The following UBE2L3 variants were observed in gnomAD, a reference collection of about 807,000 sequenced individuals.
UBE2L3 encodes ubiquitin conjugating enzyme E2 L3, also known as ubiquitin-conjugating enzyme E2 L3.
Under a neutral mutation model 17.8 loss-of-function variants are expected in UBE2L3, and 1 was observed. That is an observed-to-expected ratio of 0.06 (90% CI 0.02 to 0.27). The LOEUF (loss-of-function observed/expected upper bound fraction) is 0.27. UBE2L3 is among the 10% of genes least tolerant of loss of function. The pLI is 1.00. For synonymous variants in UBE2L3, 44 were observed against 68.5 expected, an observed-to-expected ratio of 0.64 and a Z score of 1.76; for missense variants, 40 against 192.6, an observed-to-expected ratio of 0.21 and a Z score of 4.69.
At chr22:21,604,371 C>T (rs553260229) in intron 2 of UBE2L3, among the ~76,000 whole-genome samples, 3 of 152,152 alleles carry the variant, frequency 2.0e-5, no homozygotes, top group East Asian at 1.9e-4. Context: ...TGGCAGCCTG[C>T]GCCTGTAATC....
In UBE2L3 at chr22:21,604,354, C is replaced by T. The variant is rs535446094; in HGVS notation, c.124-6503C>T. 1.9e-4 allele frequency among the ~76,000 whole-genome samples: 29 copies of T among 152,170 alleles called. No homozygotes were observed. The South Asian group carries it at 6.0e-3, about 32-fold the overall frequency. The stretch of plus-strand genomic sequence containing the variant: ...TCTCTACTAAAATACAAAAAATTAG[C>T]CGGACGTGGCAGCCTGCGCCTGTAA... On this transcript the variant is annotated intron_variant, in intron 2 of 3. Transcript: ENST00000342192.
chr22:21,581,388 C>G (rs1429219737), intron 1 of UBE2L3, among the ~76,000 whole-genome samples: 1 of 152,052 alleles, frequency 6.6e-6, no homozygotes, highest in Non-Finnish European at 1.5e-5. Context: ...TGGGATCTTG[C>G]TATGTTGCCT....
chr22:21,600,157 C>A (rs1568982252), intron 2 of UBE2L3, among the ~76,000 whole-genome samples: 1 of 150,352 alleles, frequency 6.7e-6, no homozygotes, highest in Non-Finnish European at 1.5e-5. Flanking sequence ...ACTAAAAATA[C>A]AAAAAATTAG....
intron 2 of UBE2L3, among the ~76,000 whole-genome samples, chr22:21,601,146 C>T (rs1052336746): frequency 1.3e-5 from 2 of 151,758 alleles, no homozygotes; most frequent in African/African-American, 2.4e-5. Context: ...ACTCCAGCCT[C>T]GGTGACAGAG....
At chr22:21,559,119 G>A (rs1239687277) in intron 1 of UBE2L3, among the ~76,000 whole-genome samples, 1 of 151,748 alleles carries the variant, frequency 6.6e-6, no homozygotes, top group Admixed American at 6.6e-5. Flanking sequence ...GGCCAAGGTG[G>A]GTGGATCACT....
chr22:21,573,941 A>G (rs768970579), intron 1 of UBE2L3, among the ~76,000 whole-genome samples: 11 of 152,148 alleles, frequency 7.2e-5, no homozygotes, highest in African/African-American at 2.4e-4. Context: ...AGGGTGAGCT[A>G]CCTCTCTATA....
intron 1 of UBE2L3, among the ~76,000 whole-genome samples, chr22:21,559,560 G>A (rs961497317): frequency 1.3e-5 from 2 of 151,858 alleles, no homozygotes; most frequent in African/African-American, 4.9e-5. Flanking sequence ...CATCAGAGCA[G>A]GCTTCCTGCA....
chr22:21,595,312 C>T (rs1381526241), intron 2 of UBE2L3, among the ~76,000 whole-genome samples: 2 of 152,268 alleles, frequency 1.3e-5, no homozygotes, highest in African/African-American at 4.8e-5. Context: ...TTCTCCAGAG[C>T]AGTTAAGGCA....
At chr22:21,595,974 TCC>T in intron 2 of UBE2L3, among the ~76,000 whole-genome samples, 1 of 152,116 alleles carries the variant, frequency 6.6e-6, no homozygotes, top group African/African-American at 2.4e-5. Context: ...CAAGCGATTC[TCC>T]TGCCTCAGCC....
chr22:21,614,328 G>A (rs765525760), intron 3 of UBE2L3, among the ~76,000 whole-genome samples: 13 of 152,026 alleles, frequency 8.6e-5, no homozygotes, highest in East Asian at 1.9e-4. Flanking sequence ...AGTGGCTCAC[G>A]CCTGTAATCC....
At chr22:21,583,139 G>A (rs1034253335) in intron 1 of UBE2L3, among the ~76,000 whole-genome samples, 4 of 152,020 alleles carry the variant, frequency 2.6e-5, no homozygotes, top group Non-Finnish European at 4.4e-5. Context: ...CTTCCCTAAC[G>A]CCCCCACTGA....
At chr22:21,608,741 A>ATTTTTT (rs779049247) in intron 2 of UBE2L3, among the ~76,000 whole-genome samples, 27 of 109,838 alleles carry the variant, frequency 2.5e-4, no homozygotes, top group Admixed American at 1.6e-3. Flanking sequence ...AATATATTTA[A>ATTTTTT]TTTTTTTTTT....
chr22:21,574,694 C>T (rs1927166616), intron 1 of UBE2L3, among the ~76,000 whole-genome samples: 2 of 152,088 alleles, frequency 1.3e-5, no homozygotes, highest in African/African-American at 2.4e-5. Flanking sequence ...GGGCCAGGCG[C>T]GGTGGCTCAT....
intron 1 of UBE2L3, among the ~76,000 whole-genome samples, chr22:21,568,973 C>T (rs1926803678): frequency 6.6e-6 from 1 of 152,162 alleles, no homozygotes; most frequent in African/African-American, 2.4e-5. Context: ...GACTTCAGAC[C>T]TCTCCTCATC....
At chr22:21,586,303 G>A (rs1927930723) in intron 1 of UBE2L3, among the ~76,000 whole-genome samples, 2 of 151,864 alleles carry the variant, frequency 1.3e-5, no homozygotes, top group South Asian at 4.2e-4. Context: ...CTGGGAGTCT[G>A]CACCCAGGCT....
At chr22:21,557,190 C>G (rs1039892919) in intron 1 of UBE2L3, among the ~76,000 whole-genome samples, 1 of 152,236 alleles carries the variant, frequency 6.6e-6, no homozygotes, top group African/African-American at 2.4e-5. Flanking sequence ...CATGGCAAGG[C>G]TGCATCTCTA....
intron 1 of UBE2L3, among the ~76,000 whole-genome samples, chr22:21,581,811 G>GA (rs112255426): frequency 0.02 from 2,902 of 145,908 alleles, 106 homozygotes; most frequent in African/African-American, 0.071. Flanking sequence ...AAAAAAAAAA[G>GA]AAAAAAAAAT....
chr22:21,558,645 A>C (rs868296110), intron 1 of UBE2L3, among the ~76,000 whole-genome samples: 10,462 of 149,462 alleles, frequency 0.07, 603 homozygotes, highest in African/African-American at 0.25. Context: ...AAAAAAAAAA[A>C]AAAACACTTA....
intron 1 of UBE2L3, among the ~76,000 whole-genome samples, chr22:21,556,248 G>A (rs1200195721): frequency 6.6e-6 from 1 of 151,990 alleles, no homozygotes; most frequent in African/African-American, 2.4e-5. Flanking sequence ...AACAAAAAAA[G>A]GCCAGGCATA....
Sources: gnomAD v4.1 joint callset for allele counts (sites outside exome capture counted in the v4.1 genomes callset) on GRCh38, gnomAD v4.1.1 for gene constraint, MANE v1.5 for transcripts, NCBI Gene and HGNC (gene_info 2026-07-23, HGNC 2026-07-21) for gene names.